Variants in TSHZ2 observed in about 807,000 individuals in gnomAD.
TSHZ2 encodes teashirt zinc finger homeobox 2.
A neutral mutation model predicts 74.4 loss-of-function variants in TSHZ2; 21 were observed. The ratio of observed to expected loss-of-function variants is 0.28; its 90% CI spans 0.20 to 0.41. The LOEUF (loss-of-function observed/expected upper bound fraction) is 0.41. Ranked by LOEUF, TSHZ2 falls within the 10% of genes least tolerant of loss-of-function variation. The pLI is 1.00. For synonymous variants in TSHZ2, 540 were observed against 515.3 expected (o/e 1.05, Z -0.65); for missense variants, 1,244 against 1,293.5 (o/e 0.96, Z 0.59).
intron 1 of TSHZ2, among the ~76,000 whole-genome samples, chr20:53,204,581 G>A (rs527638403): frequency 5.3e-5 from 8 of 152,104 alleles, no homozygotes; most frequent in Non-Finnish European, 7.4e-5. Context: ...ATTGGGCAGC[G>A]CTGCTTGAAG....
chr20:53,013,473 G>A (rs966261760), intron 1 of TSHZ2, among the ~76,000 whole-genome samples: 1 of 152,196 alleles, frequency 6.6e-6, no homozygotes, highest in African/African-American at 2.4e-5. Flanking sequence ...CATAAGAACA[G>A]GAAAGGGTCC....
At chr20:53,422,432 T>C (rs1983507964) in intron 2 of TSHZ2, among the ~76,000 whole-genome samples, 1 of 151,972 alleles carries the variant, frequency 6.6e-6, no homozygotes, top group African/African-American at 2.4e-5. Context: ...GGGAAAGGAG[T>C]GGTGGTTGCT....
chr20:53,224,037 T>C (rs1021812749), intron 1 of TSHZ2, among the ~76,000 whole-genome samples: 1 of 152,112 alleles, frequency 6.6e-6, no homozygotes, highest in Non-Finnish European at 1.5e-5. Flanking sequence ...GATGTTATCA[T>C]TGAGGGAAAA....
intron 1 of TSHZ2, among the ~76,000 whole-genome samples, chr20:53,078,546 T>A (rs1985437099): frequency 6.6e-6 from 1 of 152,208 alleles, no homozygotes; most frequent in South Asian, 2.1e-4. Context: ...TTATTATAGG[T>A]TTTTAGTCAC....
At chr20:53,357,380 C>T (rs1338171930) in intron 2 of TSHZ2, among the ~76,000 whole-genome samples, 1 of 152,030 alleles carries the variant, frequency 6.6e-6, no homozygotes, top group East Asian at 1.9e-4. Flanking sequence ...TAAAATACCC[C>T]CAGGCCAGGC....
At chr20:53,122,424 A>T (rs1986837052) in intron 1 of TSHZ2, among the ~76,000 whole-genome samples, 1 of 152,188 alleles carries the variant, frequency 6.6e-6, no homozygotes, top group African/African-American at 2.4e-5. Context: ...AAAACGAAAG[A>T]TCTACAAATA....
At chr20:53,385,414 G>A (rs1199233515) in intron 2 of TSHZ2, among the ~76,000 whole-genome samples, 1 of 152,130 alleles carries the variant, frequency 6.6e-6, no homozygotes, top group African/African-American at 2.4e-5. Flanking sequence ...AAAGGCTAAT[G>A]GAGATACTGG....
At chr20:53,340,176 TC>T (rs201548027) in intron 2 of TSHZ2, among the ~76,000 whole-genome samples, 847 of 59,398 alleles carry the variant, frequency 0.014, 45 homozygotes, top group African/African-American at 0.074. Flanking sequence ...GACTTTTCTT[TC>T]TTTTTTCTTT....
chr20:53,223,694 C>A (rs1477349879), intron 1 of TSHZ2, among the ~76,000 whole-genome samples: 6 of 152,098 alleles, frequency 3.9e-5, no homozygotes, highest in Admixed American at 6.5e-5. Flanking sequence ...CTGCGCCCAG[C>A]CCCACTCCAT....
chr20:53,395,577 T>G (rs943610938), intron 2 of TSHZ2, among the ~76,000 whole-genome samples: 7 of 152,246 alleles, frequency 4.6e-5, no homozygotes, highest in African/African-American at 1.7e-4. Context: ...GGAGCTGGAT[T>G]TGACATCAGC....
chr20:53,166,188 T>C (rs1405584706), intron 1 of TSHZ2, among the ~76,000 whole-genome samples: 1 of 152,202 alleles, frequency 6.6e-6, no homozygotes, highest in African/African-American at 2.4e-5. Flanking sequence ...TATTAAAAGA[T>C]TTCTCAGGAG....
rs541606796 is a variant in TSHZ2, at chr20:53,291,354, T to G, written c.*8+34783T>G. ...TGGATATGGTGGCACACACCTGTAT[T>G]CGCAGCTACTCAGGAAGCTGAGGCA... is the stretch of plus-strand genomic sequence containing the variant. On this transcript the variant is annotated intron_variant, in intron 2 of 2. Transcript: ENST00000371497. Among the ~76,000 whole-genome samples, 3 of 151,984 alleles carry G rather than the reference T, an allele frequency of 2.0e-5. No homozygotes were observed. In the South Asian group the frequency reaches 6.2e-4, roughly 32 times the overall value.
At chr20:53,095,519 C>T (rs796698682) in intron 1 of TSHZ2, among the ~76,000 whole-genome samples, 1 of 152,014 alleles carries the variant, frequency 6.6e-6, no homozygotes, top group African/African-American at 2.4e-5. Flanking sequence ...TTATTAGAAG[C>T]AGCATGAATA....
At position 53,487,850 on chromosome 20, in the gene TSHZ2, C is replaced by T. The variant is rs574946226; in HGVS notation, c.*715C>T. The T allele has an allele frequency of 6.6e-6, 1 of 152,276 alleles. No homozygotes were observed. The highest frequency in any genetic ancestry group is 2.4e-5 in the African/African-American group (1 of 41,554). 9.4% of individuals were successfully genotyped at this position (152,276 alleles called of 1,614,324 possible). ...AGCTTAACCATGTTGCTGCCAAAGA[C>T]TTTTCCTATGCAGTGGTGGGGCACC... On this transcript the variant is annotated 3_prime_UTR_variant, in exon 3 of 3. Coordinates refer to ENST00000371497, the MANE Select transcript of TSHZ2 (RefSeq NM_173485.6).
chr20:52,994,445 A>AATGGATGGATGGATGG (rs377657785), intron 1 of TSHZ2, among the ~76,000 whole-genome samples: 1,801 of 151,588 alleles, frequency 0.012, 27 homozygotes, highest in African/African-American at 0.03. Flanking sequence ...TGAGTGAATG[A>AATGGATGGATGGATGG]ATGGACGGAT....
At chr20:53,140,852 A>G (rs1193104501) in intron 1 of TSHZ2, among the ~76,000 whole-genome samples, 1 of 152,142 alleles carries the variant, frequency 6.6e-6, no homozygotes, top group African/African-American at 2.4e-5. Flanking sequence ...CTGTCCAGGG[A>G]AGGGGTGAGT....
intron 2 of TSHZ2, among the ~76,000 whole-genome samples, chr20:53,377,787 C>T (rs1037223387): frequency 6.6e-6 from 1 of 152,110 alleles, no homozygotes. Flanking sequence ...CGCTTGAGCT[C>T]AGCAGGTCGA....
chr20:53,071,040 A>G (rs1330298209), intron 1 of TSHZ2, among the ~76,000 whole-genome samples: 1 of 152,200 alleles, frequency 6.6e-6, no homozygotes, highest in Non-Finnish European at 1.5e-5. Context: ...TTTCCATTTG[A>G]TTAGTAAGAT....
intron 1 of TSHZ2, among the ~76,000 whole-genome samples, chr20:53,226,500 G>A (rs181730720): frequency 8.5e-5 from 13 of 152,066 alleles, no homozygotes; most frequent in Admixed American, 4.6e-4. Flanking sequence ...GCCAGTAACC[G>A]TGTCAAATCC....
Sources: allele counts gnomAD v4.1 joint callset (sites outside exome capture counted in the v4.1 genomes callset), GRCh38; gene constraint gnomAD v4.1.1; transcripts MANE v1.5; gene names NCBI Gene and HGNC (gene_info 2026-07-23, HGNC 2026-07-21).